The following CPNE4 variants were observed in gnomAD, a reference collection of about 807,000 sequenced individuals.
CPNE4 encodes the protein copine 4.
CPNE4 carries 25 observed loss-of-function variants against 67.9 expected under a neutral mutation model. The ratio of observed to expected loss-of-function variants is 0.37; its 90% confidence interval spans 0.27 to 0.51. CPNE4 has a LOEUF of 0.51. Among genes scored for constraint, CPNE4 ranks in the 20% least tolerant of loss-of-function variants. The pLI is 0.93. For missense variants in CPNE4, 464 were observed against 690.8 expected (o/e 0.67, Z 3.68); for synonymous variants, 242 against 244.9 (o/e 0.99, Z 0.11).
chr3:131,768,552 T>C (rs550196222), intron 2 of CPNE4, among the ~76,000 whole-genome samples: 1 of 152,250 alleles, frequency 6.6e-6, no homozygotes, highest in East Asian at 1.9e-4. Flanking sequence ...AGATTTTGGC[T>C]AACACTATGC....
intron 1 of CPNE4, among the ~76,000 whole-genome samples, chr3:131,971,125 G>C (rs79556682): frequency 1.3e-5 from 2 of 152,202 alleles, no homozygotes; most frequent in African/African-American, 4.8e-5. Flanking sequence ...GTCTGACGCC[G>C]TGGGGACAAC....
chr3:131,641,396 C>T (rs1165516316), intron 7 of CPNE4, among the ~76,000 whole-genome samples: 2 of 151,980 alleles, frequency 1.3e-5, no homozygotes, highest in Non-Finnish European at 2.9e-5. Context: ...AAATGGGTCC[C>T]AAGCATATGG....
chr3:131,919,805 A>T (rs2070691866), intron 1 of CPNE4, among the ~76,000 whole-genome samples: 1 of 152,228 alleles, frequency 6.6e-6, no homozygotes, highest in Admixed American at 6.5e-5. Flanking sequence ...ATTATCTTTA[A>T]CATCGAACTA....
At chr3:131,631,291 T>G (rs2079214617) in intron 7 of CPNE4, among the ~76,000 whole-genome samples, 1 of 152,188 alleles carries the variant, frequency 6.6e-6, no homozygotes, top group Admixed American at 6.5e-5. Flanking sequence ...TTCTATGTCT[T>G]TAGCTTTCCC....
chr3:131,835,061 G>A (rs574363398), intron 2 of CPNE4, among the ~76,000 whole-genome samples: 2 of 152,146 alleles, frequency 1.3e-5, no homozygotes, highest in African/African-American at 4.8e-5. Flanking sequence ...CAAACACCCT[G>A]GATACACTTA....
At chr3:131,559,215 A>G (rs967794120) in intron 11 of CPNE4, among the ~76,000 whole-genome samples, 1 of 152,010 alleles carries the variant, frequency 6.6e-6, no homozygotes, top group Non-Finnish European at 1.5e-5. Flanking sequence ...ATTGGCCATT[A>G]TGTAATTTTT....
intron 2 of CPNE4, among the ~76,000 whole-genome samples, chr3:131,796,138 G>C (rs1390378150): frequency 6.6e-6 from 1 of 152,092 alleles, no homozygotes; most frequent in East Asian, 1.9e-4. Flanking sequence ...TCTTTGGCTA[G>C]AGGAGATGAC....
At chr3:131,977,188 A>G (rs1173830701) in intron 1 of CPNE4, among the ~76,000 whole-genome samples, 2 of 152,200 alleles carry the variant, frequency 1.3e-5, no homozygotes, top group African/African-American at 4.8e-5. Context: ...TCAAATATTA[A>G]CTAATTCTTC....
At chr3:131,648,612 T>C (rs1355008468) in intron 7 of CPNE4, among the ~76,000 whole-genome samples, 2 of 152,248 alleles carry the variant, frequency 1.3e-5, no homozygotes, top group Non-Finnish European at 1.5e-5. Context: ...CAATTACTTA[T>C]AATTGTTAAA....
At chr3:131,696,048 A>G (rs374277752) in intron 5 of CPNE4, among the ~76,000 whole-genome samples, 1 of 152,232 alleles carries the variant, frequency 6.6e-6, no homozygotes, top group East Asian at 1.9e-4. Context: ...TGGAAAATGA[A>G]TGATGAATGA....
intron 12 of CPNE4, among the ~76,000 whole-genome samples, chr3:131,554,268 T>G (rs1936342970): frequency 6.6e-6 from 1 of 152,076 alleles, no homozygotes; most frequent in African/African-American, 2.4e-5. Flanking sequence ...AGCTTATTCT[T>G]GTATCGGTCA....
At chr3:131,768,389 A>G (rs2083078877) in intron 2 of CPNE4, among the ~76,000 whole-genome samples, 1 of 152,168 alleles carries the variant, frequency 6.6e-6, no homozygotes, top group Admixed American at 6.6e-5. Flanking sequence ...CCCAGAATGA[A>G]TCTATCCATT....
chr3:131,974,957 G>A (rs982469708), intron 1 of CPNE4, among the ~76,000 whole-genome samples: 4 of 152,118 alleles, frequency 2.6e-5, no homozygotes, highest in African/African-American at 9.7e-5. Context: ...CCCATGAGCG[G>A]AGATTGCACC....
chr3:131,708,208 C>T (rs1419652978), intron 3 of CPNE4, among the ~76,000 whole-genome samples: 1 of 151,972 alleles, frequency 6.6e-6, no homozygotes, highest in Non-Finnish European at 1.5e-5. Flanking sequence ...GAATGAGAGC[C>T]ATGAGGAAAA....
At chr3:131,716,873 C>A (rs1373148989) in intron 3 of CPNE4, among the ~76,000 whole-genome samples, 1 of 152,232 alleles carries the variant, frequency 6.6e-6, no homozygotes, top group Non-Finnish European at 1.5e-5. Context: ...TGACCCCAGA[C>A]CATCAGACCC....
intron 2 of CPNE4, among the ~76,000 whole-genome samples, chr3:131,841,598 A>G (rs886473528): frequency 6.6e-6 from 1 of 152,190 alleles, no homozygotes; most frequent in Admixed American, 6.5e-5. Context: ...TCTGAAGTGG[A>G]ACAGTTTCAA....
intron 14 of CPNE4, among the ~76,000 whole-genome samples, chr3:131,546,061 CAAAACACAAAAAACCACACACACAAA>C (rs1165377693): frequency 4.6e-5 from 7 of 151,950 alleles, no homozygotes; most frequent in Non-Finnish European, 8.8e-5. Context: ...TCAAACAAAA[CAAAACACAAAAAACCACACACACAAA>C]AAAACACAAA....
At chr3:131,656,139 C>A (rs2079957184) in intron 7 of CPNE4, among the ~76,000 whole-genome samples, 1 of 150,454 alleles carries the variant, frequency 6.6e-6, no homozygotes, top group Non-Finnish European at 1.5e-5. Flanking sequence ...ATCCTCCAGA[C>A]TCTTCCCTTC....
intron 1 of CPNE4, among the ~76,000 whole-genome samples, chr3:131,923,791 C>T (rs530826601): frequency 6.6e-6 from 1 of 150,500 alleles, no homozygotes; most frequent in African/African-American, 2.4e-5. Context: ...TAAAAGATGC[C>T]TCATGTGGGC....
Sources: allele counts gnomAD v4.1 joint callset (sites outside exome capture counted in the v4.1 genomes callset), GRCh38; gene constraint gnomAD v4.1.1; transcripts MANE v1.5; gene names NCBI Gene and HGNC (gene_info 2026-07-23, HGNC 2026-07-21).